Variants in PLAGL1 observed in about 807,000 individuals in gnomAD.
PLAGL1 encodes PLAG1 like zinc finger 1, also known as zinc finger protein PLAGL1.
A neutral mutation model predicts 4.6 loss-of-function variants in PLAGL1; 1 was observed. That is an observed-to-expected ratio of 0.22 (90% CI 0.08 to 1.03). The LOEUF is 1.03. PLAGL1 is among the 50% of genes least tolerant of loss of function. The pLI is 0.58. For missense variants in PLAGL1, 464 were observed against 570.4 expected (o/e 0.81, Z 1.90); for synonymous variants, 240 against 237.8 (o/e 1.01, Z -0.08).
Position 143,952,160 on chromosome 6 carries a change from C to T in PLAGL1, c.-324-3700G>A, listed in dbSNP as rs1024722949. Among the ~76,000 whole-genome samples the T allele has an allele frequency of 2.6e-5, 4 of 152,304 alleles. No individual in the cohort carries two copies. The highest frequency in any genetic ancestry group is 1.9e-4 in the East Asian group (1 of 5,186). ...GTATATACAACATCTCTCATCACCA[C>T]GCACTTGATCAGTTCAAAGGCTGTT... On this transcript the variant is annotated intron_variant, in intron 6 of 7. Coordinates refer to ENST00000674357, the MANE Select transcript of PLAGL1 (RefSeq NM_001317162.2). The surrounding 1 kb of genome is among the most constrained non-coding windows in gnomAD (Gnocchi z 6.1).
chr6:143,946,492 G>A (rs78343481), intron 7 of PLAGL1, among the ~76,000 whole-genome samples: 6,881 of 152,284 alleles, frequency 0.045, 188 homozygotes, highest in Non-Finnish European at 0.072. Context: ...ACTTCTACTC[G>A]TGACAGCTAG....
chr6:144,057,545 A>C (rs1223753300), intron 1 of PLAGL1, among the ~76,000 whole-genome samples: 2 of 152,160 alleles, frequency 1.3e-5, no homozygotes, highest in African/African-American at 4.8e-5. Context: ...CCTTCCCTGC[A>C]CTGGTGCCAT....
chr6:143,953,795 A>G lies in PLAGL1; in HGVS notation c.-324-5335T>C, dbSNP rs1460585961. Among the ~76,000 whole-genome samples the G allele has an allele frequency of 2.0e-5, 3 of 152,248 alleles. No homozygotes were observed. Among genetic ancestry groups the G allele is most frequent in the African/African-American group, 4.8e-5 (2 of 41,468 alleles). ...TTAAGAGGCAACAAAACAACCTGCT[A>G]TACCCTGAAGCATCTACCATATGTC... is the stretch of plus-strand genomic sequence containing the variant. On this transcript the variant is annotated intron_variant, in intron 6 of 7. Transcript: ENST00000674357. This position sits in a 1 kb window ranked among gnomAD's most constrained non-coding sequence, Gnocchi z 5.3.
Position 144,050,870 on chromosome 6 carries a change from C to T in PLAGL1, c.-151+13598G>A, listed in dbSNP as rs1348330240. Among the ~76,000 whole-genome samples the T allele has an allele frequency of 6.6e-6, 1 of 152,184 alleles. No homozygotes were observed. The highest frequency in any genetic ancestry group is 1.5e-5 in the Non-Finnish European group (1 of 68,038). ...TACAATTGTGCCACCACACTCCAAC[C>T]TAGGTGACAAAGCAAGACCCTGTCT... On this transcript the variant is annotated intron_variant, in intron 1 of 3. Transcript: ENST00000437412. The surrounding 1 kb of genome is among the most constrained non-coding windows in gnomAD (Gnocchi z 4.3).
chr6:144,023,768 C>CTTTT lies in PLAGL1; in HGVS notation c.-151+40696_-151+40699dup, dbSNP rs34002736. On this transcript the variant is annotated intron_variant, in intron 1 of 3. Transcript: ENST00000437412. Reference sequence around the variant, plus strand: ...GACATCATTATGAACTCATATTTAGCTTTTTTTTTTTTTTTTTTTTTTTTT... The same window carrying CTTTT: ...GACATCATTATGAACTCATATTTAGCTTTTTTTTTTTTTTTTTTTTTTTTTTTTT... Among the ~76,000 whole-genome samples, 121 of 72,664 alleles carry CTTTT rather than the reference C, an allele frequency of 1.7e-3. 1 individual carries two copies. Among genetic ancestry groups the CTTTT allele is most frequent in the African/African-American group, 5.3e-3 (96 of 18,086 alleles). The allele number at this position is 72,664 out of a possible 152,430, so 47.7% of individuals were successfully genotyped here. A position where few individuals can be genotyped will look rare whatever the true frequency, so the allele number is the denominator to read the frequency against.
At chr6:143,991,002 G>A (rs571062876) in intron 1 of PLAGL1, among the ~76,000 whole-genome samples, 13 of 152,250 alleles carry the variant, frequency 8.5e-5, no homozygotes, top group South Asian at 2.1e-4. Flanking sequence ...AAATTGTGGC[G>A]GAGAAAGAAT....
At chr6:143,987,233 G>C (rs1789389787) in intron 1 of PLAGL1, among the ~76,000 whole-genome samples, 1 of 151,816 alleles carries the variant, frequency 6.6e-6, no homozygotes, top group Non-Finnish European at 1.5e-5. Flanking sequence ...TTTAGAGACA[G>C]GGTCTCTGTC....
rs1314724371 is a variant in PLAGL1 at position 143,959,299 on chromosome 6, C to A, written c.-325+1170G>T. ...GGCCTGCTGTGTTAGCCACACCCCACCTGTTCGCAGCCCATGGACTCGCCA... is the reference window on the plus strand; with the variant it reads ...GGCCTGCTGTGTTAGCCACACCCCAACTGTTCGCAGCCCATGGACTCGCCA... On this transcript the variant is annotated intron_variant, in intron 6 of 7. Coordinates refer to ENST00000674357, the MANE Select transcript of PLAGL1 (RefSeq NM_001317162.2). The surrounding 1 kb of genome is among the most constrained non-coding windows in gnomAD (Gnocchi z 5.3). Among the ~76,000 whole-genome samples, 3 of 152,174 alleles carry A rather than the reference C, an allele frequency of 2.0e-5. No homozygotes were observed. Among genetic ancestry groups the A allele is most frequent in the Non-Finnish European group, 4.4e-5 (3 of 68,030 alleles).
intron 1 of PLAGL1, among the ~76,000 whole-genome samples, chr6:144,045,550 G>A (rs1458437431): frequency 6.6e-6 from 1 of 152,202 alleles, no homozygotes; most frequent in Non-Finnish European, 1.5e-5. Flanking sequence ...TTTCTGGCGA[G>A]AGATCCACTG....
rs1335251106 is a variant in PLAGL1 at position 143,962,080 on chromosome 6, GGGA to G, written c.-398-1541_-398-1539del. 6.6e-6 allele frequency among the ~76,000 whole-genome samples: 1 copy of G among 152,194 alleles called. No homozygotes were observed. The highest frequency in any genetic ancestry group is 2.4e-5 in the African/African-American group (1 of 41,434). On this transcript the variant is annotated intron_variant, in intron 5 of 7. Transcript: ENST00000674357. This position sits in a 1 kb window ranked among gnomAD's most constrained non-coding sequence, Gnocchi z 5.3. ...CTCGTGAAAGAGGAGAACTCTGGCAGGGAGGAGATCAAATCCCTCAGCTTTTCC... is the reference window on the plus strand; with the variant it reads ...CTCGTGAAAGAGGAGAACTCTGGCAGGGAGATCAAATCCCTCAGCTTTTCC...
In PLAGL1 at chr6:143,973,227, G is replaced by A. The variant is rs192082892; in HGVS notation, c.-543-4249C>T. On this transcript the variant is annotated intron_variant, in intron 2 of 7. Transcript: ENST00000674357. The surrounding 1 kb of genome is among the most constrained non-coding windows in gnomAD (Gnocchi z 6.2). ...TTCAGCGAGTTCCCAGGGAGCAGCT[G>A]CAACAAAGAGATCAAAGGCCCACCT... Among the ~76,000 whole-genome samples the A allele has an allele frequency of 6.6e-6, 1 of 152,120 alleles. No individual in the cohort carries two copies. The highest frequency in any genetic ancestry group is 1.5e-5 in the Non-Finnish European group (1 of 68,022).
In PLAGL1 at chr6:143,954,802, T is replaced by C. The variant is rs1232735054; in HGVS notation, c.-325+5667A>G. On this transcript the variant is annotated intron_variant, in intron 6 of 7. Transcript: ENST00000674357. The surrounding 1 kb of genome is among the most constrained non-coding windows in gnomAD (Gnocchi z 5.1). ...GAATAATTATTTATTTGCAGAGGAA[T>C]GTCGATATAGAAAATCCCAAAGAAT... 2.0e-5 allele frequency among the ~76,000 whole-genome samples: 3 copies of C among 152,220 alleles called. No individual in the cohort carries two copies. The highest frequency in any genetic ancestry group is 4.4e-5 in the Non-Finnish European group (3 of 68,040).
At position 143,947,443 on chromosome 6, in the gene PLAGL1, TCAGA is replaced by T. The variant is rs1390972209; in HGVS notation, c.152+538_152+541del. The stretch of plus-strand genomic sequence containing the variant: ...ATACACCTGAATGAGACAAACCCTC[TCAGA>T]CAGAGGTAAGGCCTGCTATACGTGG... On this transcript the variant is annotated intron_variant, in intron 7 of 7. Coordinates refer to ENST00000674357, the MANE Select transcript of PLAGL1 (RefSeq NM_001317162.2). The surrounding 1 kb of genome is among the most constrained non-coding windows in gnomAD (Gnocchi z 4.3). Among the ~76,000 whole-genome samples, 2 of 152,210 alleles carry T rather than the reference TCAGA, an allele frequency of 1.3e-5. No individual in the cohort carries two copies. Among genetic ancestry groups the T allele is most frequent in the Admixed American group, 6.5e-5 (1 of 15,284 alleles).
Position 143,970,314 on chromosome 6 carries a change from C to T in PLAGL1, c.-543-1336G>A, listed in dbSNP as rs1323320151. On this transcript the variant is annotated intron_variant, in intron 2 of 7. Coordinates refer to ENST00000674357, the MANE Select transcript of PLAGL1 (RefSeq NM_001317162.2). The surrounding 1 kb of genome is among the most constrained non-coding windows in gnomAD (Gnocchi z 5.8). ...CAGAAAAATGTCTCACTAAAGAAGG[C>T]AATATGTAATGTTGCAAAGTAAACA... is the stretch of plus-strand genomic sequence containing the variant. Among the ~76,000 whole-genome samples the T allele has an allele frequency of 6.6e-6, 1 of 152,128 alleles. No homozygotes were observed. Among genetic ancestry groups the T allele is most frequent in the Non-Finnish European group, 1.5e-5 (1 of 68,024 alleles).
In PLAGL1 at chr6:143,952,549, G is replaced by A. The variant is rs1441954770; in HGVS notation, c.-324-4089C>T. ...TTCTGCTCATGTTGATTATTTTGGG[G>A]ATGAGAGAGGATCAGACGGGAAGAA... On this transcript the variant is annotated intron_variant, in intron 6 of 7. Transcript: ENST00000674357. This position sits in a 1 kb window ranked among gnomAD's most constrained non-coding sequence, Gnocchi z 6.1. 6.6e-6 allele frequency among the ~76,000 whole-genome samples: 1 copy of A among 152,172 alleles called. No individual in the cohort carries two copies. Among genetic ancestry groups the A allele is most frequent in the African/African-American group, 2.4e-5 (1 of 41,430 alleles).
chr6:143,988,304 T>A (rs1789657967), intron 1 of PLAGL1, among the ~76,000 whole-genome samples: 1 of 152,248 alleles, frequency 6.6e-6, no homozygotes, highest in Non-Finnish European at 1.5e-5. Flanking sequence ...TTTAAGTTGT[T>A]AAATTCTTAG....
Position 143,941,421 on chromosome 6 carries a change from C to A in PLAGL1, c.*3G>T. Reference sequence around the variant, plus strand: ...AATACGAAAAATACACTTTAAAAATCAATTATCTGAATGCATGATGGAAAT... The same window carrying A: ...AATACGAAAAATACACTTTAAAAATAAATTATCTGAATGCATGATGGAAAT... On this transcript the variant is annotated 3_prime_UTR_variant, in exon 8 of 8. Transcript: ENST00000674357. This position sits in a 1 kb window ranked among gnomAD's most constrained non-coding sequence, Gnocchi z 6.0. 6 of 1,492,560 alleles carry A rather than the reference C, an allele frequency of 4.0e-6. No homozygotes were observed. The highest frequency in any genetic ancestry group is 1.4e-5 in the South Asian group (1 of 69,552). 92.5% of individuals were successfully genotyped at this position (1,492,560 alleles called of 1,614,324 possible).
chr6:143,984,336 T>C lies in PLAGL1; in HGVS notation c.-544+799A>G, dbSNP rs1788565573. Among the ~76,000 whole-genome samples, 1 of 152,180 alleles carries C rather than the reference T, an allele frequency of 6.6e-6. No individual in the cohort carries two copies. Among genetic ancestry groups the C allele is most frequent in the South Asian group, 2.1e-4 (1 of 4,832 alleles). On this transcript the variant is annotated intron_variant, in intron 2 of 7. Coordinates refer to ENST00000674357, the MANE Select transcript of PLAGL1 (RefSeq NM_001317162.2). The surrounding 1 kb of genome is among the most constrained non-coding windows in gnomAD (Gnocchi z 5.5). ...GTGAGGTAGGGGTTGTATGGTGAAA[T>C]ATGCTGGAGAAACACCACAGACCAA...
At position 143,979,217 on chromosome 6, in the gene PLAGL1, A is replaced by T. The variant is rs1007639751; in HGVS notation, c.-544+5918T>A. On this transcript the variant is annotated intron_variant, in intron 2 of 7. Transcript: ENST00000674357. This position sits in a 1 kb window ranked among gnomAD's most constrained non-coding sequence, Gnocchi z 4.6. The stretch of plus-strand genomic sequence containing the variant: ...TAGGCAGCATATAGTTAGTTCTCAA[A>T]GCGTTTTGTATGTATTAAATCTGAC... Among the ~76,000 whole-genome samples the T allele has an allele frequency of 1.3e-5, 2 of 152,114 alleles. No individual in the cohort carries two copies. Among genetic ancestry groups the T allele is most frequent in the Non-Finnish European group, 2.9e-5 (2 of 67,960 alleles).
Sources: gnomAD v4.1 joint callset for allele counts (sites outside exome capture counted in the v4.1 genomes callset) on GRCh38, gnomAD v4.1.1 for gene constraint, Gnocchi (gnomAD v3.1) non-coding constraint, MANE v1.5 for transcripts, NCBI Gene and HGNC (gene_info 2026-07-23, HGNC 2026-07-21) for gene names.